Variants in AGMO observed in about 807,000 individuals in gnomAD.
AGMO encodes the protein alkylglycerol monooxygenase.
In AGMO, 75 loss-of-function variants were observed where a neutral mutation model predicts 60.2. That is an observed-to-expected ratio of 1.25 (90% confidence interval 1.03 to 1.51). AGMO has a LOEUF of 1.51. Among genes scored for constraint, AGMO ranks in the 40% most tolerant of loss-of-function variants. The pLI is 0.00. For synonymous variants in AGMO, 261 were observed against 177.1 expected (o/e 1.47, Z -3.76); for missense variants, 763 against 525.5 (o/e 1.45, Z -4.42).
At chr7:15,126,700 T>A in the AGMO span, among the ~76,000 whole-genome samples, 1 of 152,076 alleles carries the variant, frequency 6.6e-6, no homozygotes, top group Non-Finnish European at 1.5e-5. Context: ...CAAAATATTT[T>A]ACCCCAAAGC....
intron 5 of AGMO, among the ~76,000 whole-genome samples, chr7:15,404,309 T>C (rs10258461): frequency 0.2 from 30,263 of 151,820 alleles, 3,286 homozygotes; most frequent in Middle Eastern, 0.27. Flanking sequence ...TACATTATTC[T>C]TCAAACAAAA....
intron 12 of AGMO, among the ~76,000 whole-genome samples, chr7:15,292,848 C>T (rs568262870): frequency 4.7e-5 from 7 of 148,340 alleles, no homozygotes; most frequent in Non-Finnish European, 8.9e-5. Flanking sequence ...ACCTCCGCCT[C>T]CCAGGTTCAA....
Position 15,390,671 on chromosome 7 carries a change from C to A in AGMO, c.822G>T (p.Gln274His). The change falls in exon 8 of 13, where the codon CAG (glutamine) becomes CAT (histidine). Residue 274 changes from glutamine (Q) to histidine (H), a missense_variant and splice_region_variant. Transcript: ENST00000342526. ...AAAGAATAAAAAACAAGTATGTTAC[C>A]TGCACTTTGATTGGTTCAAATGTAT... ...PINTFEPIKV[Q>H]FHHLFSIWTT... 1 of 1,583,770 alleles carries A rather than the reference C, an allele frequency of 6.3e-7. No homozygotes were observed. The highest frequency in any genetic ancestry group is 8.6e-7 in the Non-Finnish European group (1 of 1,160,658).
chr7:15,435,307 G>A (rs1781368698), intron 3 of AGMO, among the ~76,000 whole-genome samples: 1 of 144,476 alleles, frequency 6.9e-6, no homozygotes, highest in Admixed American at 6.9e-5. Flanking sequence ...TTCCAAAGTG[G>A]CTGTGCCTTT....
intron 2 of AGMO, among the ~76,000 whole-genome samples, chr7:15,554,958 C>T (rs566764965): frequency 1.3e-5 from 2 of 151,900 alleles, no homozygotes; most frequent in South Asian, 2.1e-4. Flanking sequence ...ACGACTCTCA[C>T]GTTGTTGTCA....
chr7:15,321,570 T>C (rs182595039), intron 12 of AGMO, among the ~76,000 whole-genome samples: 39 of 152,272 alleles, frequency 2.6e-4, no homozygotes, highest in Admixed American at 1.0e-3. Flanking sequence ...TACTCATCTC[T>C]ACACTTAGCA....
At chr7:15,226,838 A>G (rs1311547485) in intron 12 of AGMO, among the ~76,000 whole-genome samples, 2 of 152,110 alleles carry the variant, frequency 1.3e-5, no homozygotes, top group African/African-American at 4.8e-5. Context: ...GAATTTTTAT[A>G]TTCATGAAAA....
chr7:15,474,410 A>C (rs554910908), intron 3 of AGMO, among the ~76,000 whole-genome samples: 1 of 152,270 alleles, frequency 6.6e-6, no homozygotes, highest in African/African-American at 2.4e-5. Flanking sequence ...ATCTACAACC[A>C]TCTGATCTTT....
intron 10 of AGMO, among the ~76,000 whole-genome samples, chr7:15,383,632 A>T (rs1260900524): frequency 3.9e-5 from 6 of 152,042 alleles, no homozygotes; most frequent in Non-Finnish European, 7.4e-5. Context: ...ATAATCCTAG[A>T]TTAGATTCAT....
chr7:15,267,371 A>T (rs2128511945), intron 12 of AGMO, among the ~76,000 whole-genome samples: 2 of 152,118 alleles, frequency 1.3e-5, no homozygotes, highest in Middle Eastern at 6.8e-3. Context: ...TAAAAACTCC[A>T]TCTGTTTTTA....
chr7:15,365,773 T>C (rs1782952398), intron 11 of AGMO, among the ~76,000 whole-genome samples, 154 bp from the exon 12 acceptor site: 1 of 152,042 alleles, frequency 6.6e-6, no homozygotes. Flanking sequence ...AAAACAGTGA[T>C]TAAGAAAGAA....
At chr7:15,168,929 C>A in the AGMO span, among the ~76,000 whole-genome samples, 1 of 152,158 alleles carries the variant, frequency 6.6e-6, no homozygotes, top group Non-Finnish European at 1.5e-5. Context: ...AGTTGGAAGT[C>A]ATTTAGAATG....
the AGMO span, among the ~76,000 whole-genome samples, chr7:15,119,161 T>G: frequency 1.3e-5 from 2 of 151,920 alleles, no homozygotes; most frequent in South Asian, 4.1e-4. Context: ...CCAAATCTCA[T>G]GTTGAAATGT....
At chr7:15,295,816 A>C (rs1156265203) in intron 12 of AGMO, among the ~76,000 whole-genome samples, 1 of 152,130 alleles carries the variant, frequency 6.6e-6, no homozygotes, top group African/African-American at 2.4e-5. Flanking sequence ...TAAGAAATGC[A>C]ATGCTCAACG....
At chr7:15,129,824 T>C in the AGMO span, among the ~76,000 whole-genome samples, 2 of 152,148 alleles carry the variant, frequency 1.3e-5, no homozygotes, top group Non-Finnish European at 2.9e-5. Context: ...CCTGCAAATA[T>C]TCATTTAGTG....
the AGMO span, among the ~76,000 whole-genome samples, chr7:15,177,035 T>A: frequency 0.011 from 1,735 of 152,220 alleles, 28 homozygotes; most frequent in African/African-American, 0.039. Context: ...CTTGTGAAGA[T>A]ATTTTTTAAA....
At chr7:15,540,669 G>C (rs1213488155) in intron 3 of AGMO, among the ~76,000 whole-genome samples, 1 of 152,098 alleles carries the variant, frequency 6.6e-6, no homozygotes. Flanking sequence ...CCCATACTTG[G>C]TTGACACTGA....
chr7:15,132,095 T>C, the AGMO span, among the ~76,000 whole-genome samples: 1 of 152,064 alleles, frequency 6.6e-6, no homozygotes, highest in Non-Finnish European at 1.5e-5. Context: ...CATAAGGGAT[T>C]TGAAGAGCCA....
intron 2 of AGMO, among the ~76,000 whole-genome samples, chr7:15,545,858 TC>T (rs937607965): frequency 1.3e-5 from 2 of 151,940 alleles, no homozygotes; most frequent in African/African-American, 4.8e-5. Flanking sequence ...GACTTTTCCT[TC>T]TATATTTATT....
Sources: allele counts gnomAD v4.1 joint callset (sites outside exome capture counted in the v4.1 genomes callset), GRCh38; gene constraint gnomAD v4.1.1; transcripts MANE v1.5; gene names NCBI Gene and HGNC (gene_info 2026-07-23, HGNC 2026-07-21).